TEX11: variants seen among roughly 807,000 people sequenced by gnomAD.
TEX11 encodes testis expressed 11, also known as testis-expressed protein 11.
A neutral mutation model predicts 84.4 loss-of-function variants in TEX11; 7 were observed. The observed-to-expected ratio is 0.08, with a 90% CI of 0.05 to 0.16. The LOEUF is 0.16. Ranked by LOEUF, TEX11 falls within the 10% of genes least tolerant of loss-of-function variation. The pLI is 1.00. For missense variants in TEX11, 551 were observed against 660.5 expected (o/e 0.83, Z 1.82); for synonymous variants, 264 against 222.8 (o/e 1.18, Z -1.64).
At chrX:70,711,511 GT>G (rs1434485300) in intron 13 of TEX11, among the ~76,000 whole-genome samples, 1 of 111,135 alleles carries the variant, frequency 9.0e-6, no homozygotes, top group Non-Finnish European at 1.9e-5. Context: ...TCTCATTGTG[GT>G]TTTGATTTGC....
intron 5 of TEX11, among the ~76,000 whole-genome samples, chrX:70,854,874 C>A (rs891706487): frequency 2.8e-5 from 3 of 107,778 alleles, no homozygotes; most frequent in Non-Finnish European, 5.7e-5. Flanking sequence ...GGTGAGACCC[C>A]CATCTCTGCT....
At chrX:70,822,543 T>C (rs1416535490) in intron 8 of TEX11, among the ~76,000 whole-genome samples, 1 of 111,769 alleles carries the variant, frequency 8.9e-6, no homozygotes, top group African/African-American at 3.3e-5. Context: ...TATATATGTA[T>C]GTATCTATAT....
At chrX:70,719,847 G>A (rs1224097175) in intron 13 of TEX11, among the ~76,000 whole-genome samples, 13 of 110,449 alleles carry the variant, frequency 1.2e-4, no homozygotes, top group Non-Finnish European at 1.7e-4. Flanking sequence ...TTAGAATGGC[G>A]ATCATTAAAA....
rs372398073 is a variant in TEX11 at position 70,727,141 on chromosome X, C to T, written c.844-1798G>A. Among the ~76,000 whole-genome samples the T allele has an allele frequency of 3.5e-4, 39 of 111,554 alleles. 2 individuals are homozygous for T. Among genetic ancestry groups the T allele is most frequent in the Admixed American group, 2.6e-3 (27 of 10,472 alleles). Reference sequence around the variant, plus strand: ...TAAAGTTAAGTAACTTACCCATGGTCACACAACTGGTAAGTAGTAGAGCTG... The same window carrying T: ...TAAAGTTAAGTAACTTACCCATGGTTACACAACTGGTAAGTAGTAGAGCTG... On this transcript the variant is annotated intron_variant, in intron 11 of 29. Transcript: ENST00000374333.
At chrX:70,601,919 G>T (rs1007219406) in intron 24 of TEX11, among the ~76,000 whole-genome samples, 2 of 110,843 alleles carry the variant, frequency 1.8e-5, no homozygotes, top group African/African-American at 6.6e-5. Flanking sequence ...AAAATGAAAA[G>T]TCTCCCATGT....
At chrX:70,840,742 G>C (rs1640777448) in intron 7 of TEX11, among the ~76,000 whole-genome samples, 3 of 111,493 alleles carry the variant, frequency 2.7e-5, no homozygotes, top group Non-Finnish European at 1.9e-5. Context: ...GCCATCTCAT[G>C]TGCAGAGACA....
intron 28 of TEX11, among the ~76,000 whole-genome samples, chrX:70,538,836 A>C (rs1168793838): frequency 2.8e-5 from 3 of 107,477 alleles, no homozygotes; most frequent in Non-Finnish European, 3.8e-5. Context: ...AAATTTTCTC[A>C]GTCATTGAAT....
At chrX:70,814,427 A>AG (rs1214722913) in intron 8 of TEX11, among the ~76,000 whole-genome samples, 1 of 112,558 alleles carries the variant, frequency 8.9e-6, no homozygotes, top group Non-Finnish European at 1.9e-5. Flanking sequence ...AGATACGTAA[A>AG]GCAGTGGGCA....
intron 9 of TEX11, among the ~76,000 whole-genome samples, chrX:70,805,898 T>A (rs182640510): frequency 9.7e-4 from 109 of 112,209 alleles, no homozygotes; most frequent in Non-Finnish European, 1.5e-3. Flanking sequence ...TCTTGATATT[T>A]CCAGATAAAG....
intron 17 of TEX11, among the ~76,000 whole-genome samples, chrX:70,641,460 T>C (rs1393610392): frequency 9.0e-6 from 1 of 110,995 alleles, no homozygotes; most frequent in Admixed American, 9.6e-5. Flanking sequence ...ATCAACAGAA[T>C]ATACGTTTTT....
chrX:70,620,354 C>T (rs183205799), intron 20 of TEX11, among the ~76,000 whole-genome samples: 5 of 111,348 alleles, frequency 4.5e-5, no homozygotes, highest in East Asian at 5.6e-4. Flanking sequence ...CATAAAAAGA[C>T]GCTCCAAATC....
At chrX:70,592,827 C>T (rs918371651) in intron 24 of TEX11, among the ~76,000 whole-genome samples, 4 of 110,696 alleles carry the variant, frequency 3.6e-5, no homozygotes, top group African/African-American at 6.6e-5. Context: ...TGGAACAGAG[C>T]GTGGGGAAGT....
chrX:70,511,773 A>G, the TEX11 span, among the ~76,000 whole-genome samples: 1 of 102,537 alleles, frequency 9.8e-6, no homozygotes. Flanking sequence ...AAAAAAAAAA[A>G]AAAGAAAACA....
At chrX:70,862,474 T>G (rs746838159) in intron 4 of TEX11, among the ~76,000 whole-genome samples, 1 of 111,838 alleles carries the variant, frequency 8.9e-6, no homozygotes, top group South Asian at 3.7e-4. Context: ...GGTCAGATTT[T>G]TATTGCCCAT....
At chrX:70,763,299 T>C (rs2090920420) in intron 9 of TEX11, among the ~76,000 whole-genome samples, 1 of 111,202 alleles carries the variant, frequency 9.0e-6, no homozygotes, top group South Asian at 3.8e-4. Flanking sequence ...TGCAGCAACT[T>C]GGATGGACTT....
At chrX:70,805,378 T>C (rs987360972) in intron 9 of TEX11, among the ~76,000 whole-genome samples, 1 of 110,828 alleles carries the variant, frequency 9.0e-6, no homozygotes, top group African/African-American at 3.3e-5. Flanking sequence ...TGATTTGATA[T>C]ATTTTACTCC....
At chrX:70,741,668 T>A (rs192618617) in intron 10 of TEX11, among the ~76,000 whole-genome samples, 1 of 111,350 alleles carries the variant, frequency 9.0e-6, no homozygotes, top group Non-Finnish European at 1.9e-5. Flanking sequence ...ATATGGAATA[T>A]GAATATTCCA....
chrX:70,704,267 C>T (rs1359726922), intron 13 of TEX11, among the ~76,000 whole-genome samples: 1 of 110,822 alleles, frequency 9.0e-6, no homozygotes, highest in Non-Finnish European at 1.9e-5. Context: ...CCAATTAAGC[C>T]TCTTTTCTTT....
chrX:70,664,972 G>A (rs1297369588), intron 16 of TEX11, among the ~76,000 whole-genome samples: 1 of 109,134 alleles, frequency 9.2e-6, no homozygotes, highest in Non-Finnish European at 1.9e-5. Flanking sequence ...CTCATTTTTC[G>A]AACTTTATAT....
Sources: gnomAD v4.1 joint callset for allele counts (sites outside exome capture counted in the v4.1 genomes callset) on GRCh38, gnomAD v4.1.1 for gene constraint, MANE v1.5 for transcripts, NCBI Gene and HGNC (gene_info 2026-07-23, HGNC 2026-07-21) for gene names.